Variants in CFAP47 observed in about 807,000 individuals in gnomAD.
CFAP47 encodes the protein cilia and flagella associated protein 47.
Under a neutral mutation model 148.1 loss-of-function variants are expected in CFAP47, and 29 were observed. The observed-to-expected ratio is 0.20, with a 90% CI of 0.15 to 0.27. The LOEUF is 0.27. Ranked by LOEUF, CFAP47 falls within the 10% of genes least tolerant of loss-of-function variation. CFAP47 has a pLI of 1.00. For missense variants in CFAP47, 1,872 were observed against 1,697.5 expected (o/e 1.10, Z -1.81); for synonymous variants, 664 against 577.3 (o/e 1.15, Z -2.15).
intron 37 of CFAP47, among the ~76,000 whole-genome samples, chrX:36,151,275 A>G (rs909964398): frequency 2.7e-5 from 3 of 112,286 alleles, no homozygotes; most frequent in Non-Finnish European, 5.6e-5. Flanking sequence ...AATTACATCA[A>G]ACACAGTTTG....
At chrX:36,016,513 T>C (rs1349441724) in intron 22 of CFAP47, among the ~76,000 whole-genome samples, 1 of 110,865 alleles carries the variant, frequency 9.0e-6, no homozygotes, top group Non-Finnish European at 1.9e-5. Context: ...TAAATAGTAC[T>C]CCATTATGTA....
At chrX:36,190,701 C>T (rs1939856281) in intron 42 of CFAP47, among the ~76,000 whole-genome samples, 1 of 111,134 alleles carries the variant, frequency 9.0e-6, no homozygotes, top group Admixed American at 9.6e-5. Context: ...ATCCATGCCA[C>T]CTACACTTTC....
At position 36,099,859 on chromosome X, in the gene CFAP47, G is replaced by A. The variant is rs772982560; in HGVS notation, c.5107G>A (p.Val1703Ile). The change falls in exon 32 of 64, where the codon GTA becomes ATA. Residue 1703 changes from valine to isoleucine, a missense_variant. Coordinates refer to ENST00000378653, the MANE Select transcript of CFAP47 (RefSeq NM_001304548.2). ...CTGGAGTAAACGGGCATGGACAGAT[G>A]TATTTCTACAGATATACAAGGTAAC... Reference protein sequence around the residue: ...EAWSKRAWTDVFLQIYKVLVL... With the variant: ...EAWSKRAWTDIFLQIYKVLVL... The A allele has an allele frequency of 3.9e-5, 38 of 981,798 alleles. No homozygotes were observed. The highest frequency in any genetic ancestry group is 5.5e-5 in the Non-Finnish European group (38 of 690,948). The allele number at this position is 981,798 out of a possible 1,213,427, so 80.9% of individuals were successfully genotyped here. A position where few individuals can be genotyped will look rare whatever the true frequency, so the allele number is the denominator to read the frequency against.
At chrX:36,189,164 A>C (rs944564574) in intron 41 of CFAP47, among the ~76,000 whole-genome samples, 17 of 111,430 alleles carry the variant, frequency 1.5e-4, no homozygotes, top group African/African-American at 5.2e-4. Context: ...ACCACCCCAA[A>C]TATACTGGCA....
chrX:36,330,139 C>T (rs1452749953), intron 57 of CFAP47, among the ~76,000 whole-genome samples: 4 of 111,675 alleles, frequency 3.6e-5, no homozygotes, highest in African/African-American at 1.3e-4. Flanking sequence ...TAGTCACTCG[C>T]TTCCTTATGC....
chrX:36,103,399 A>G (rs1015818045), intron 32 of CFAP47, among the ~76,000 whole-genome samples: 2 of 103,245 alleles, frequency 1.9e-5, no homozygotes, highest in Admixed American at 1.1e-4. Flanking sequence ...GTAATTAACT[A>G]CCAATTCCCT....
intron 3 of CFAP47, among the ~76,000 whole-genome samples, chrX:35,945,217 G>A (rs953766847): frequency 1.8e-5 from 2 of 111,617 alleles, no homozygotes; most frequent in Admixed American, 9.5e-5. Flanking sequence ...AAAATGCTTA[G>A]CACACTCTCT....
intron 8 of CFAP47, among the ~76,000 whole-genome samples, chrX:35,965,282 C>T (rs912089377): frequency 1.8e-5 from 2 of 111,514 alleles, no homozygotes; most frequent in Non-Finnish European, 3.8e-5. Flanking sequence ...ATAAGTCTCA[C>T]AGCCTATATC....
chrX:36,101,782 A>C (rs1938380996), intron 32 of CFAP47, among the ~76,000 whole-genome samples: 1 of 111,858 alleles, frequency 8.9e-6, no homozygotes, highest in African/African-American at 3.3e-5. Context: ...ACAAATCCAA[A>C]TATCTCATTA....
chrX:35,997,833 A>G (rs1034339464), intron 19 of CFAP47, among the ~76,000 whole-genome samples: 1 of 111,837 alleles, frequency 8.9e-6, no homozygotes, highest in Non-Finnish European at 1.9e-5. Flanking sequence ...TTCAACATTC[A>G]CCTAAATTGT....
At chrX:35,983,258 T>A (rs1936670653) in intron 15 of CFAP47, among the ~76,000 whole-genome samples, 2 of 111,763 alleles carry the variant, frequency 1.8e-5, no homozygotes, top group African/African-American at 3.3e-5. Context: ...TTAGACATTG[T>A]TGTTGTATAG....
At chrX:36,281,883 A>G (rs1473141908) in intron 50 of CFAP47, among the ~76,000 whole-genome samples, 1 of 111,694 alleles carries the variant, frequency 9.0e-6, no homozygotes, top group Non-Finnish European at 1.9e-5. Flanking sequence ...CAGGTATTTT[A>G]TGGTGGTGGT....
intron 19 of CFAP47, among the ~76,000 whole-genome samples, chrX:35,999,404 T>C (rs1936888134): frequency 8.9e-6 from 1 of 112,062 alleles, no homozygotes; most frequent in African/African-American, 3.2e-5. Context: ...TTTTGTGATA[T>C]AAGCACATGC....
At chrX:36,145,911 A>G (rs1206757388) in intron 36 of CFAP47, among the ~76,000 whole-genome samples, 5 of 110,623 alleles carry the variant, frequency 4.5e-5, no homozygotes, top group Non-Finnish European at 9.5e-5. Flanking sequence ...TTCTTATCTC[A>G]AAATGTAGAG....
chrX:36,162,632 T>G (rs771486247), intron 39 of CFAP47, among the ~76,000 whole-genome samples: 8 of 111,627 alleles, frequency 7.2e-5, no homozygotes, highest in Admixed American at 9.6e-5. Context: ...TCACATTACT[T>G]TGAACAAATA....
intron 49 of CFAP47, among the ~76,000 whole-genome samples, chrX:36,266,588 G>A (rs903055332): frequency 9.2e-6 from 1 of 108,895 alleles, no homozygotes; most frequent in African/African-American, 3.3e-5. Context: ...CTGGTGGGAG[G>A]ATGTCAGCAA....
chrX:36,081,258 A>G (rs1937976602), intron 29 of CFAP47, among the ~76,000 whole-genome samples: 1 of 111,709 alleles, frequency 9.0e-6, no homozygotes, highest in African/African-American at 3.3e-5. Flanking sequence ...GAATGTGGAT[A>G]AATTCCTGGA....
At chrX:35,926,732 T>C (rs1935746927) in intron 2 of CFAP47, among the ~76,000 whole-genome samples, 1 of 111,879 alleles carries the variant, frequency 8.9e-6, no homozygotes, top group South Asian at 3.7e-4. Flanking sequence ...CCCAGCAGAA[T>C]GTGGTTTCCA....
intron 51 of CFAP47, among the ~76,000 whole-genome samples, chrX:36,296,067 A>G (rs1213489464): frequency 1.8e-5 from 2 of 111,652 alleles, no homozygotes; most frequent in East Asian, 5.6e-4. Flanking sequence ...CTGCTCTGTA[A>G]AGGATTTTGA....
Sources: allele counts gnomAD v4.1 joint callset (sites outside exome capture counted in the v4.1 genomes callset), GRCh38; gene constraint gnomAD v4.1.1; transcripts MANE v1.5; gene names NCBI Gene and HGNC (gene_info 2026-07-23, HGNC 2026-07-21).